CD200R1: variants seen among roughly 807,000 people sequenced by gnomAD.
The protein encoded by CD200R1 is cell surface glycoprotein CD200 receptor 1.
Under a neutral mutation model 38.1 loss-of-function variants are expected in CD200R1, and 30 were observed. That is an observed-to-expected ratio of 0.79 (90% CI 0.59 to 1.07). CD200R1 has a LOEUF of 1.07. CD200R1 is among the 50% of genes least tolerant of loss of function. CD200R1 has a pLI of 0.00. For synonymous variants in CD200R1, 128 were observed against 152.1 expected, an observed-to-expected ratio of 0.84 and a Z score of 1.16; for missense variants, 372 against 415.4, an observed-to-expected ratio of 0.90 and a Z score of 0.91.
chr3:112,929,287 C>T lies in CD200R1; in HGVS notation c.423G>A (p.Gln141=), dbSNP rs1256281535. 1 of 1,614,018 alleles carries T rather than the reference C, an allele frequency of 6.2e-7. No individual in the cohort carries two copies. Among genetic ancestry groups the T allele is most frequent in the African/African-American group, 1.3e-5 (1 of 74,908 alleles). ...VSRPDQNSDL[Q]IRTVAITHDG... ...CATGAGTGATGGCCACGGTACGAAT[C>T]TGAAGGTCCGAATTCTGATCAGGTC... Residue 141 remains glutamine, a synonymous_variant, in exon 4 of 8, where the codon CAG becomes CAA. Transcript: ENST00000308611.
Position 112,928,901 on chromosome 3 carries a change from G to A in CD200R1, c.684C>T (p.His228=), listed in dbSNP as rs1415985133. The change falls in exon 5 of 8, where the codon CAC becomes CAT. Residue 228 remains histidine (H), a synonymous_variant. Coordinates refer to ENST00000308611, the MANE Select transcript of CD200R1 (RefSeq NM_138806.4). ...CGGTAGACACATTGTGGACCTCCCAGTGGCATGTACTCTTAACAGTCACTG... is the reference window on the plus strand; with the variant it reads ...CGGTAGACACATTGTGGACCTCCCAATGGCATGTACTCTTAACAGTCACTG... The part of the protein sequence containing the change: ...NGTVTVKSTC[H]WEVHNVSTVT... The A allele has an allele frequency of 1.9e-6, 3 of 1,613,980 alleles. No homozygotes were observed. The highest frequency in any genetic ancestry group is 2.2e-5 in the South Asian group (2 of 91,078).
At chr3:112,951,603 A>C (rs1364603625) in intron 1 of CD200R1, among the ~76,000 whole-genome samples, 1 of 151,884 alleles carries the variant, frequency 6.6e-6, no homozygotes, top group Non-Finnish European at 1.5e-5. Context: ...GAAGTAAAAT[A>C]TTAGGCATAG....
At chr3:112,959,177 C>T (rs545229014) in intron 1 of CD200R1, among the ~76,000 whole-genome samples, 1 of 152,146 alleles carries the variant, frequency 6.6e-6, no homozygotes, top group Non-Finnish European at 1.5e-5. Context: ...CAAAAGAGAG[C>T]AAGTATTATA....
chr3:112,923,659 G>T lies in CD200R1; in HGVS notation c.*18C>A. On this transcript the variant is annotated 3_prime_UTR_variant, in exon 8 of 8. Transcript: ENST00000308611. ...GTATCTCGTTTGTTGTTGTTTCTTG[G>T]TACTAGAGTCCAACAACTTATAAAG... 1 of 1,200,794 alleles carries T rather than the reference G, an allele frequency of 8.3e-7. No individual in the cohort carries two copies. Among genetic ancestry groups the T allele is most frequent in the Non-Finnish European group, 1.2e-6 (1 of 814,176 alleles). The allele number at this position is 1,200,794 out of a possible 1,614,324, so 74.4% of individuals were successfully genotyped here.
intron 1 of CD200R1, among the ~76,000 whole-genome samples, chr3:112,962,061 T>C (rs1482779783): frequency 6.6e-6 from 1 of 152,186 alleles, no homozygotes; most frequent in Admixed American, 6.5e-5. Flanking sequence ...GCAGTAAGTA[T>C]TATGCTAATA....
chr3:112,930,476 GA>G (rs1254873709), intron 3 of CD200R1, among the ~76,000 whole-genome samples: 1 of 152,144 alleles, frequency 6.6e-6, no homozygotes, highest in Non-Finnish European at 1.5e-5. Context: ...TCATTTAAAG[GA>G]AAAATTAAGC....
intron 1 of CD200R1, among the ~76,000 whole-genome samples, chr3:112,972,546 TA>T (rs35941478): frequency 0.33 from 49,447 of 151,700 alleles, 8,403 homozygotes; most frequent in Admixed American, 0.4. Flanking sequence ...ACAATAGGGC[TA>T]AAAAAAAGGA....
chr3:112,927,130 T>C (rs1161968385), intron 5 of CD200R1, among the ~76,000 whole-genome samples: 1 of 152,044 alleles, frequency 6.6e-6, no homozygotes, highest in Non-Finnish European at 1.5e-5. Flanking sequence ...CCAAAGAAGA[T>C]GAACTGGAGA....
intron 2 of CD200R1, among the ~76,000 whole-genome samples, chr3:112,936,548 T>C (rs746793816): frequency 6.6e-6 from 1 of 152,244 alleles, no homozygotes; most frequent in Non-Finnish European, 1.5e-5. Flanking sequence ...ATTTCTCTAA[T>C]GATCAGTGAT....
chr3:112,959,741 C>T (rs558554764), intron 1 of CD200R1, among the ~76,000 whole-genome samples: 55 of 152,084 alleles, frequency 3.6e-4, no homozygotes, highest in Non-Finnish European at 6.6e-4. Context: ...CTCAAAGTTT[C>T]AAAGTTTCTT....
Position 112,928,839 on chromosome 3 carries a change from C to T in CD200R1, c.746G>A (p.Ser249Asn). The T allele has an allele frequency of 6.2e-7, 1 of 1,613,370 alleles. No homozygotes were observed. Among genetic ancestry groups the T allele is most frequent in the African/African-American group, 1.3e-5 (1 of 74,992 alleles). ...ACCAGGAAGTAGCTCTATGTACAGA[C>T]TCTTGTTGCCAGTCAAATGGGAGAC... ...CHVSHLTGNK[S>N]LYIELLPVPG... The change falls in exon 5 of 8, where the codon AGT becomes AAT. Residue 249 changes from serine to asparagine, a missense_variant. Physicochemically the swap from Ser to Asn is conservative, Grantham distance 46. Transcript: ENST00000308611.
intron 5 of CD200R1, 60 bp downstream of exon 5, chr3:112,928,756 T>C (rs1039499755): frequency 3.7e-6 from 5 of 1,335,672 alleles, no homozygotes; most frequent in African/African-American, 1.5e-5. Context: ...ATCTTTTTTT[T>C]TCTTAACTCT....
chr3:112,948,851 C>T (rs1171022706), intron 1 of CD200R1, among the ~76,000 whole-genome samples: 2 of 152,160 alleles, frequency 1.3e-5, no homozygotes, highest in Non-Finnish European at 2.9e-5. Context: ...ACAATATCCC[C>T]TTTTTTCCAA....
chr3:112,956,683 G>C (rs1941106802), intron 1 of CD200R1, among the ~76,000 whole-genome samples: 1 of 152,174 alleles, frequency 6.6e-6, no homozygotes, highest in Admixed American at 6.5e-5. Context: ...CTTTTCCAGA[G>C]ATCCTGGGAA....
At chr3:112,965,876 G>A (rs1933147884) in intron 1 of CD200R1, among the ~76,000 whole-genome samples, 1 of 152,218 alleles carries the variant, frequency 6.6e-6, no homozygotes, top group Non-Finnish European at 1.5e-5. Context: ...CAGGATCCCA[G>A]AGGTACTAGA....
intron 1 of CD200R1, among the ~76,000 whole-genome samples, chr3:112,952,820 G>A (rs909867863): frequency 6.6e-6 from 1 of 151,832 alleles, no homozygotes; most frequent in Non-Finnish European, 1.5e-5. Flanking sequence ...ATAATTTTTC[G>A]TGGAGTCTTT....
chr3:112,956,265 T>C lies in CD200R1; in HGVS notation c.68-8341A>G, dbSNP rs141653138. Among the ~76,000 whole-genome samples the C allele has an allele frequency of 3.9e-3, 601 of 152,260 alleles. 8 individuals are homozygous for C. Among genetic ancestry groups the C allele is most frequent in the South Asian group, 0.016 (77 of 4,822 alleles). On this transcript the variant is annotated intron_variant, in intron 1 of 7. Transcript: ENST00000308611. The stretch of plus-strand genomic sequence containing the variant: ...TAACTTGTTTCAAGTTCACAGATTC[T>C]TCCTTTTGCTTGATAATTCTACTGT...
rs1940182277 is a variant in CD200R1, at chr3:112,922,126, A to T, written c.*1551T>A. 6.6e-6 allele frequency: 1 copy of T among 152,032 alleles called. No individual in the cohort carries two copies. Among genetic ancestry groups the T allele is most frequent in the Admixed American group, 6.6e-5 (1 of 15,228 alleles). The allele number at this position is 152,032 out of a possible 1,614,324, so 9.4% of individuals were successfully genotyped here. ...TTAGCTTTACATCCAAAATAGACTA[A>T]AAGTCCCTTTGAGGACAAAATCCAT... is the stretch of plus-strand genomic sequence containing the variant. On this transcript the variant is annotated 3_prime_UTR_variant, in exon 8 of 8. Coordinates refer to ENST00000308611, the MANE Select transcript of CD200R1 (RefSeq NM_138806.4).
In CD200R1 at chr3:112,974,786, C is replaced by T. The variant is rs1467983974; in HGVS notation, c.67+5G>A. 1.9e-6 allele frequency: 3 copies of T among 1,599,412 alleles called. No homozygotes were observed. Among genetic ancestry groups the T allele is most frequent in the African/African-American group, 2.7e-5 (2 of 74,722 alleles). ...ACTGTTCTCCCAAAGAGAATTCAAA[C>T]TTACCGGCCACTAAGAAGATAGTCA... is the stretch of plus-strand genomic sequence containing the variant. On this transcript the variant is annotated splice_donor_5th_base_variant and intron_variant, in intron 1 of 7. Coordinates refer to ENST00000308611, the MANE Select transcript of CD200R1 (RefSeq NM_138806.4).
Sources: gnomAD v4.1 joint callset for allele counts (sites outside exome capture counted in the v4.1 genomes callset) on GRCh38, gnomAD v4.1.1 for gene constraint, MANE v1.5 for transcripts, NCBI Gene and HGNC (gene_info 2026-07-23, HGNC 2026-07-21) for gene names.